Variants in NUDT12 observed in about 807,000 individuals in gnomAD.
The protein encoded by NUDT12 is nudix hydrolase 12, also known as NAD-capped RNA hydrolase NUDT12.
Under a neutral mutation model 45.7 loss-of-function variants are expected in NUDT12, and 42 were observed. The observed-to-expected ratio is 0.92, with a 90% CI of 0.72 to 1.19. The LOEUF is 1.19. Among genes scored for constraint, NUDT12 ranks in the 50% most tolerant of loss-of-function variants. NUDT12 has a pLI of 0.00. For synonymous variants in NUDT12, 206 were observed against 179.7 expected (o/e 1.15, Z -1.17); for missense variants, 590 against 533.1 (o/e 1.11, Z -1.05).
Position 103,560,074 on chromosome 5 carries a change from G to T in NUDT12, c.175C>A (p.Pro59Thr). The T allele has an allele frequency of 6.2e-7, 1 of 1,613,670 alleles. No individual in the cohort carries two copies. Among genetic ancestry groups the T allele is most frequent in the Non-Finnish European group, 8.5e-7 (1 of 1,179,724 alleles). ...TCAAGCAGAAATTGGACTATCTCTG[G>T]GTGCCCATTCCTTGCCGCATACATT... ...ALMYAARNGHPEIVQFLLEKG... is the reference protein window; with the variant it reads ...ALMYAARNGHTEIVQFLLEKG... The change falls in exon 2 of 7, where the codon CCA becomes ACA. Residue 59 changes from proline to threonine, a missense_variant. Physicochemically the swap from Pro to Thr is conservative, Grantham distance 38. Transcript: ENST00000230792.
Position 103,559,446 on chromosome 5 carries a change from T to A in NUDT12, c.229A>T (p.Lys77Ter). The change falls in exon 3 of 7, where the codon AAA (lysine) becomes TAA (stop). Residue 77 changes from lysine (K) to a stop codon, truncating the protein, a stop_gained. Transcript: ENST00000230792. LOFTEE classifies it high-confidence loss of function. ...ATGTCCAGTGCAGTCTGCCTTGATT[T>A]ATTGACAATTGATCTGTCACACCTA... Reference protein sequence around the residue: ...EKGCDRSIVNKSRQTALDIAV... With the variant: ...EKGCDRSIVN 6.5e-7 allele frequency: 1 copy of A among 1,534,904 alleles called. No homozygotes were observed. Among genetic ancestry groups the A allele is most frequent in the East Asian group, 2.4e-5 (1 of 42,324 alleles).
chr5:103,550,622 A>G lies in NUDT12; in HGVS notation c.*239T>C, dbSNP rs35355522. On this transcript the variant is annotated 3_prime_UTR_variant, in exon 7 of 7. Transcript: ENST00000230792. ...AAACTGTGAAGGAAGAAAAGAAACC[A>G]AGAGAGAAAAAGTTCAGAGAAGACT... 0.13 allele frequency: 43,065 copies of G among 323,468 alleles called. 3,454 individuals are homozygous for G. The highest frequency in any genetic ancestry group is 0.22 in the Middle Eastern group (249 of 1,136). 20.0% of individuals were successfully genotyped at this position (323,468 alleles called of 1,614,324 possible).
intron 5 of NUDT12, 56 bp downstream of exon 5, chr5:103,554,684 T>C: frequency 6.6e-6 from 4 of 606,144 alleles, no homozygotes; most frequent in Non-Finnish European, 1.0e-5. Flanking sequence ...AAATGTTACC[T>C]AAACTTTGTA....
At chr5:103,554,096 T>C (rs1748737082) in intron 5 of NUDT12, among the ~76,000 whole-genome samples, 1 of 152,018 alleles carries the variant, frequency 6.6e-6, no homozygotes, top group Non-Finnish European at 1.5e-5. Flanking sequence ...AATGCAAATA[T>C]TGGAAATTGA....
At position 103,549,747 on chromosome 5, in the gene NUDT12, A is replaced by G. The variant is rs898768184; in HGVS notation, c.*1114T>C. ...ATTCATAAACTATAATAGCTATTAAATCAATTTCAAAATAGCCTTTCAAAA... is the reference window on the plus strand; with the variant it reads ...ATTCATAAACTATAATAGCTATTAAGTCAATTTCAAAATAGCCTTTCAAAA... On this transcript the variant is annotated 3_prime_UTR_variant, in exon 7 of 7. Transcript: ENST00000230792. 6 of 152,148 alleles carry G rather than the reference A, an allele frequency of 3.9e-5. No individual in the cohort carries two copies. Among genetic ancestry groups the G allele is most frequent in the African/African-American group, 1.2e-4 (5 of 41,468 alleles). 9.4% of individuals were successfully genotyped at this position (152,148 alleles called of 1,614,324 possible). A position where few individuals can be genotyped will look rare whatever the true frequency, so the allele number is the denominator to read the frequency against.
chr5:103,553,312 AAAC>A (rs1200740830), intron 5 of NUDT12, among the ~76,000 whole-genome samples: 4 of 152,158 alleles, frequency 2.6e-5, no homozygotes, highest in Non-Finnish European at 5.9e-5. Context: ...TAAACAATGA[AAAC>A]AAAACTAGGT....
chr5:103,558,383 A>C (rs543587713), intron 3 of NUDT12, among the ~76,000 whole-genome samples: 1 of 152,198 alleles, frequency 6.6e-6, no homozygotes, highest in African/African-American at 2.4e-5. Flanking sequence ...TTCCCTCTTA[A>C]CAAGACTCCC....
chr5:103,561,539 G>A (rs933465170), intron 1 of NUDT12, among the ~76,000 whole-genome samples: 1 of 152,090 alleles, frequency 6.6e-6, no homozygotes, highest in Non-Finnish European at 1.5e-5. Context: ...AATAATTTTT[G>A]ATTTATTCTA....
rs1748631571 is a variant in NUDT12 at position 103,550,829 on chromosome 5, A to G, written c.*32T>C. On this transcript the variant is annotated 3_prime_UTR_variant, in exon 7 of 7. Transcript: ENST00000230792. ...TGAGGAATGAGTGTTATTAGAAATT[A>G]TTAAATAATACTCAAAGCTTAGTTC... 7.0e-7 allele frequency: 1 copy of G among 1,430,694 alleles called. No homozygotes were observed. The highest frequency in any genetic ancestry group is 9.9e-7 in the Non-Finnish European group (1 of 1,013,964). The allele number at this position is 1,430,694 out of a possible 1,614,324, so 88.6% of individuals were successfully genotyped here.
chr5:103,561,060 C>CTTT (rs75956704), intron 1 of NUDT12, among the ~76,000 whole-genome samples: 1 of 133,394 alleles, frequency 7.5e-6, no homozygotes. Context: ...CTTTTTTTGT[C>CTTT]TTTTTTTTTT....
chr5:103,555,393 G>T (rs911777244), intron 4 of NUDT12, among the ~76,000 whole-genome samples: 1 of 152,006 alleles, frequency 6.6e-6, no homozygotes, highest in Middle Eastern at 3.4e-3. Context: ...AATGTAAAAG[G>T]CTCTTGAGCA....
At chr5:103,554,025 T>C (rs2112447958) in intron 5 of NUDT12, among the ~76,000 whole-genome samples, 1 of 152,198 alleles carries the variant, frequency 6.6e-6, no homozygotes, top group Non-Finnish European at 1.5e-5. Context: ...GTTTTATATA[T>C]ATGATATGAT....
rs1343763978 is a variant in NUDT12 at position 103,553,448 on chromosome 5, G to A, written c.1079-1032C>T. ...GAGATACGATTTCATTCACTCCTCA[G>A]AATGACAAATTTAAAAGTCTGAAAA... On this transcript the variant is annotated intron_variant, in intron 5 of 6. Transcript: ENST00000230792. Among the ~76,000 whole-genome samples the A allele has an allele frequency of 3.3e-5, 5 of 152,016 alleles. No individual in the cohort carries two copies. The East Asian group carries it at 9.6e-4, about 29-fold the overall frequency.
rs142097741 is a variant in NUDT12, at chr5:103,552,095, A to G, written c.1278+122T>C. ...GGAATTACTAATTACCATGTAATCC[A>G]TGCATAATGAGAGGGCCAAAGGCAT... On this transcript the variant is annotated intron_variant, in intron 6 of 6. Coordinates refer to ENST00000230792, the MANE Select transcript of NUDT12 (RefSeq NM_031438.4). The G allele has an allele frequency of 3.3e-4, 233 of 695,868 alleles. 1 individual carries two copies. The East Asian group carries it at 5.5e-3, about 17-fold the overall frequency. The allele number at this position is 695,868 out of a possible 1,614,324, so 43.1% of individuals were successfully genotyped here.
intron 4 of NUDT12, among the ~76,000 whole-genome samples, chr5:103,555,205 A>G (rs1562618280): frequency 6.6e-6 from 1 of 152,082 alleles, no homozygotes; most frequent in African/African-American, 2.4e-5. Flanking sequence ...TTCAAATTTT[A>G]CCACGGTAAA....
In NUDT12 at chr5:103,559,166, T is replaced by G. The variant is rs1265356265; in HGVS notation, c.509A>C (p.Gln170Pro). Reference sequence around the variant, plus strand: ...CTGACAAAGCCTAACTTCTGGCTGTTGGAAACTTTCTTTATTGCCACCTAG... The same window carrying G: ...CTGACAAAGCCTAACTTCTGGCTGTGGGAAACTTTCTTTATTGCCACCTAG... ...VTLGGNKESFQQPEVRLCQLN... is the reference protein window; with the variant it reads ...VTLGGNKESFPQPEVRLCQLN... Residue 170 changes from glutamine to proline, a missense_variant, in exon 3 of 7, where the codon CAA (glutamine) becomes CCA (proline). Coordinates refer to ENST00000230792, the MANE Select transcript of NUDT12 (RefSeq NM_031438.4). 4.5e-6 allele frequency: 7 copies of G among 1,559,790 alleles called. No homozygotes were observed. In the East Asian group the frequency reaches 1.3e-4, roughly 30 times the overall value.
rs764728234 is a variant in NUDT12, at chr5:103,560,103, G to A, written c.146C>T (p.Ala49Val). ...CCCATTCCTTGCCGCATACATTAAAGCAGTCCAGCCATTTTCAGAAGTTTC... is the reference window on the plus strand; with the variant it reads ...CCCATTCCTTGCCGCATACATTAAAACAGTCCAGCCATTTTCAGAAGTTTC... The part of the protein sequence containing the change: ...LNETSENGWT[A>V]LMYAARNGHP... The change falls in exon 2 of 7, where the codon GCT becomes GTT. Residue 49 changes from alanine to valine, a missense_variant. By Grantham distance (64) the Ala-to-Val change is moderately conservative. Coordinates refer to ENST00000230792, the MANE Select transcript of NUDT12 (RefSeq NM_031438.4). The A allele has an allele frequency of 4.3e-6, 7 of 1,613,938 alleles. No individual in the cohort carries two copies. The South Asian group carries it at 7.7e-5, about 18-fold the overall frequency.
chr5:103,560,379 A>G (rs972186842), intron 1 of NUDT12, 125 bp from the exon 2 acceptor site: 1 of 643,774 alleles, frequency 1.6e-6, no homozygotes, highest in Non-Finnish European at 2.8e-6. Context: ...TTCAACAGGC[A>G]ATCCTTAAAC....
intron 5 of NUDT12, among the ~76,000 whole-genome samples, chr5:103,553,339 CT>C (rs1302829208): frequency 6.6e-6 from 1 of 151,862 alleles, no homozygotes; most frequent in Admixed American, 6.6e-5. Flanking sequence ...AGATAAACAT[CT>C]AAAATTCAGA....
Sources: gnomAD v4.1 joint callset for allele counts (sites outside exome capture counted in the v4.1 genomes callset) on GRCh38, gnomAD v4.1.1 for gene constraint, MANE v1.5 for transcripts, NCBI Gene and HGNC (gene_info 2026-07-23, HGNC 2026-07-21) for gene names.